The following ULK4 variants were observed in gnomAD, a reference collection of about 807,000 sequenced individuals.
ULK4 encodes unc-51 like kinase 4.
ULK4 carries 133 observed loss-of-function variants against 160.6 expected under a neutral mutation model. The observed-to-expected ratio is 0.83, with a 90% CI of 0.72 to 0.96. ULK4 has a LOEUF of 0.96. Among genes scored for constraint, ULK4 ranks in the 40% least tolerant of loss-of-function variants. ULK4 has a pLI of 0.00. For missense variants in ULK4, 1,580 were observed against 1,499.5 expected (o/e 1.05, Z -0.89); for synonymous variants, 534 against 539.8 (o/e 0.99, Z 0.15).
chr3:41,356,264 G>A (rs1348001928), intron 35 of ULK4, among the ~76,000 whole-genome samples: 2 of 152,180 alleles, frequency 1.3e-5, no homozygotes, highest in Non-Finnish European at 2.9e-5. Context: ...AGATTGAGAT[G>A]TGGCAGTCCT....
chr3:41,463,309 A>T, intron 32 of ULK4, 56 bp from the exon 33 acceptor site: 1 of 1,545,266 alleles, frequency 6.5e-7, no homozygotes, highest in Admixed American at 1.8e-5. Context: ...CAAATGTGTC[A>T]TATGAACCAA....
intron 17 of ULK4, among the ~76,000 whole-genome samples, chr3:41,866,482 T>A (rs1341748107): frequency 2.0e-5 from 3 of 152,136 alleles, no homozygotes; most frequent in African/African-American, 4.8e-5. Flanking sequence ...ACAACCTACA[T>A]CCCTCGCATG....
intron 35 of ULK4, among the ~76,000 whole-genome samples, chr3:41,255,918 C>A (rs1336041919): frequency 2.0e-5 from 3 of 152,124 alleles, no homozygotes; most frequent in East Asian, 3.8e-4. Context: ...AATATATATT[C>A]TTTTCAAGTG....
intron 29 of ULK4, among the ~76,000 whole-genome samples, chr3:41,670,486 T>A (rs2035501099): frequency 6.6e-6 from 1 of 151,950 alleles, no homozygotes. Context: ...TAAAAGTACA[T>A]CAATAATTAA....
intron 35 of ULK4, among the ~76,000 whole-genome samples, chr3:41,387,932 C>T (rs1443452673): frequency 1.3e-5 from 2 of 152,156 alleles, no homozygotes; most frequent in Non-Finnish European, 2.9e-5. Flanking sequence ...AGTTCTAGAT[C>T]CCTGAGGAAT....
intron 30 of ULK4, among the ~76,000 whole-genome samples, chr3:41,638,198 T>C (rs1303538263): frequency 1.3e-5 from 2 of 152,188 alleles, no homozygotes; most frequent in South Asian, 4.1e-4. Context: ...TTTTTAAAAG[T>C]ATGTTGTTAT....
chr3:41,910,943 A>G (rs1303253747), intron 11 of ULK4, among the ~76,000 whole-genome samples: 1 of 152,254 alleles, frequency 6.6e-6, no homozygotes, highest in Non-Finnish European at 1.5e-5. Flanking sequence ...AGCCTGGGCA[A>G]TAGACGGAGA....
chr3:41,567,698 C>G (rs534406713), intron 31 of ULK4, among the ~76,000 whole-genome samples: 1 of 152,098 alleles, frequency 6.6e-6, no homozygotes, highest in South Asian at 2.1e-4. Context: ...CTCTTGACCT[C>G]GTGATCCATC....
At chr3:41,305,731 T>C (rs2079900241) in intron 35 of ULK4, among the ~76,000 whole-genome samples, 1 of 146,092 alleles carries the variant, frequency 6.8e-6, no homozygotes, top group Non-Finnish European at 1.5e-5. Context: ...GTCTGGAAAG[T>C]GAGGAGCGTC....
chr3:41,688,576 G>A (rs2036176941), intron 27 of ULK4, among the ~76,000 whole-genome samples: 2 of 152,104 alleles, frequency 1.3e-5, no homozygotes, highest in Admixed American at 1.3e-4. Flanking sequence ...GTATTTGTTT[G>A]TGGTACAGAA....
chr3:41,800,270 C>CATTATA lies in ULK4; in HGVS notation c.1871_1872insTATAAT (p.His623_Met624insIleIle), dbSNP rs1262564719. 6.2e-7 allele frequency: 1 copy of CATTATA among 1,612,528 alleles called. No individual in the cohort carries two copies. The highest frequency in any genetic ancestry group is 8.5e-7 in the Non-Finnish European group (1 of 1,179,592). On this transcript the variant is annotated inframe_insertion, in exon 20 of 37. Coordinates refer to ENST00000301831, the MANE Select transcript of ULK4 (RefSeq NM_017886.4). ...AGACATTTTCAATAATTTTTGCTGC[C>CATTATA]ATGTGATTCACAACACGCTCTTCCT...
At chr3:41,509,377 A>G (rs996508696) in intron 32 of ULK4, among the ~76,000 whole-genome samples, 4 of 152,218 alleles carry the variant, frequency 2.6e-5, no homozygotes, top group African/African-American at 9.6e-5. Context: ...AAGAAGAGAC[A>G]TGTAAAAGTT....
At chr3:41,607,895 G>A (rs981578714) in intron 31 of ULK4, among the ~76,000 whole-genome samples, 3 of 151,958 alleles carry the variant, frequency 2.0e-5, no homozygotes, top group Admixed American at 6.6e-5. Flanking sequence ...TATTCAATAC[G>A]GTCCCATTTT....
chr3:41,332,983 G>GT (rs1356545132), intron 35 of ULK4, among the ~76,000 whole-genome samples: 1 of 152,200 alleles, frequency 6.6e-6, no homozygotes, highest in African/African-American at 2.4e-5. Flanking sequence ...AAGAACAAAT[G>GT]TTTTTCCAAC....
chr3:41,859,824 A>ATTT (rs397875093), intron 17 of ULK4, among the ~76,000 whole-genome samples: 19 of 115,876 alleles, frequency 1.6e-4, no homozygotes, highest in East Asian at 2.4e-4. Flanking sequence ...TGCCTGGCTA[A>ATTT]TTTTTTTTTT....
chr3:41,456,400 ATT>A (rs1334464304), intron 33 of ULK4, among the ~76,000 whole-genome samples: 1 of 110,772 alleles, frequency 9.0e-6, no homozygotes, highest in African/African-American at 3.8e-5. Context: ...TACCAAGTGC[ATT>A]CTGCTATGCT....
In ULK4 at chr3:41,647,523, C is replaced by G. The variant is rs562072304; in HGVS notation, c.3071+16084G>C. On this transcript the variant is annotated intron_variant, in intron 30 of 36. Coordinates refer to ENST00000301831, the MANE Select transcript of ULK4 (RefSeq NM_017886.4). The stretch of plus-strand genomic sequence containing the variant: ...CAGAACAGCGGATTTTCGCGAACCA[C>G]AAATGCTGCTGTCTGATCATTCCTC... Among the ~76,000 whole-genome samples, 97 of 152,328 alleles carry G rather than the reference C, an allele frequency of 6.4e-4. No homozygotes were observed. The South Asian group carries it at 0.02, about 31-fold the overall frequency.
intron 4 of ULK4, 129 bp downstream of exon 4, chr3:41,935,672 T>C (rs1385779411): frequency 8.4e-7 from 1 of 1,188,720 alleles, no homozygotes; most frequent in Non-Finnish European, 1.1e-6. Context: ...CCTTTTATTT[T>C]AAAAAAAGAT....
chr3:41,429,895 C>T (rs559339430), intron 34 of ULK4, among the ~76,000 whole-genome samples: 10 of 151,844 alleles, frequency 6.6e-5, no homozygotes, highest in Non-Finnish European at 1.2e-4. Flanking sequence ...CACATGTATC[C>T]CAGATGTAAA....
Sources: gnomAD v4.1 joint callset for allele counts (sites outside exome capture counted in the v4.1 genomes callset) on GRCh38, gnomAD v4.1.1 for gene constraint, MANE v1.5 for transcripts, NCBI Gene and HGNC (gene_info 2026-07-23, HGNC 2026-07-21) for gene names.